SCAF4: variants seen among roughly 807,000 people sequenced by gnomAD.
SCAF4 encodes the protein SR-related CTD associated factor 4.
SCAF4 carries 25 observed loss-of-function variants against 129.8 expected under a neutral mutation model. That is an observed-to-expected ratio of 0.19 (90% CI 0.14 to 0.27). The LOEUF (loss-of-function observed/expected upper bound fraction) is 0.27, where lower values mean the gene tolerates loss of function less well. Among genes scored for constraint, SCAF4 ranks in the 10% least tolerant of loss-of-function variants. The pLI, the probability that SCAF4 is intolerant of heterozygous loss-of-function variation, is 1.00. For missense variants in SCAF4, 1,246 were observed against 1,457.1 expected, an observed-to-expected ratio of 0.86 and a Z score of 2.36; for synonymous variants, 551 against 497.7, an observed-to-expected ratio of 1.11 and a Z score of -1.43.
chr21:31,686,625 C>T (rs2050132820), intron 16 of SCAF4, among the ~76,000 whole-genome samples: 1 of 151,986 alleles, frequency 6.6e-6, no homozygotes, highest in Admixed American at 6.6e-5. Context: ...TTTTAACAAC[C>T]CCCCCAGCCA....
chr21:31,708,951 T>C (rs2050733357), intron 1 of SCAF4, among the ~76,000 whole-genome samples: 1 of 152,240 alleles, frequency 6.6e-6, no homozygotes, highest in African/African-American at 2.4e-5. Context: ...AGTCTGGAAC[T>C]TTCATGCAGG....
chr21:31,685,298 A>G, intron 18 of SCAF4, 58 bp from the exon 19 acceptor site: 1 of 1,502,628 alleles, frequency 6.7e-7, no homozygotes, highest in South Asian at 1.2e-5. Context: ...CTCCCGGTCA[A>G]CATTCTTATG....
intron 9 of SCAF4, among the ~76,000 whole-genome samples, chr21:31,695,532 G>T (rs1328750749): frequency 6.6e-6 from 1 of 152,048 alleles, no homozygotes; most frequent in Non-Finnish European, 1.5e-5. Context: ...TAAATATAAT[G>T]CTTTAAGTAT....
In SCAF4 at chr21:31,696,130, C is replaced by A; in HGVS notation, c.1051G>T (p.Asp351Tyr). 6.2e-7 allele frequency: 1 copy of A among 1,611,962 alleles called. No homozygotes were observed. Among genetic ancestry groups the A allele is most frequent in the South Asian group, 1.1e-5 (1 of 91,012 alleles). The part of the protein sequence containing the change: ...FQPRMMGIQQ[D>Y]PMHHQVPLPP... ...GCTTGTACCTGATGGTGCATTGGAT[C>A]CTGTTGTATTCCCATCATTCGTGGC... Residue 351 changes from aspartate to tyrosine, a missense_variant, in exon 9 of 20, where the codon GAT (aspartate) becomes TAT (tyrosine). Asp to Tyr is a radical substitution (Grantham distance 160). Transcript: ENST00000286835.
At position 31,696,629 on chromosome 21, in the gene SCAF4, G is replaced by A; in HGVS notation, c.899C>T (p.Ala300Val). 6.2e-7 allele frequency: 1 copy of A among 1,613,632 alleles called. No homozygotes were observed. Among genetic ancestry groups the A allele is most frequent in the Non-Finnish European group, 8.5e-7 (1 of 1,179,636 alleles). ...GGGTGCAGCAGCAGCAGGCACGGTG[G>A]CGGTGGGTGCAGGGGGTACTGCGGC... ...PAAAVPPAPTATVPAAAAPAA... is the reference protein window; with the variant it reads ...PAAAVPPAPTVTVPAAAAPAA... The change falls in exon 8 of 20, where the codon GCC (alanine) becomes GTC (valine). Residue 300 changes from alanine to valine, a missense_variant. This residue lies in a region of SCAF4 where 236 missense variants were observed against 210.0 expected (regional missense o/e 1.12). Coordinates refer to ENST00000286835, the MANE Select transcript of SCAF4 (RefSeq NM_020706.2).
rs1020165532 is a variant in SCAF4 at position 31,691,804 on chromosome 21, T to C, written c.1728+13A>G. ...TTTAAAAAAAAAATTAATTATAACA[T>C]GTAAGACTGTACCTTTATGGATTTC... is the stretch of plus-strand genomic sequence containing the variant. On this transcript the variant is annotated intron_variant, in intron 14 of 19. Transcript: ENST00000286835. 1 of 1,462,324 alleles carries C rather than the reference T, an allele frequency of 6.8e-7. No homozygotes were observed. The highest frequency in any genetic ancestry group is 9.4e-7 in the Non-Finnish European group (1 of 1,062,756). 90.6% of individuals were successfully genotyped at this position (1,462,324 alleles called of 1,614,324 possible).
chr21:31,674,658 G>C (rs1287759567), intron 19 of SCAF4, among the ~76,000 whole-genome samples: 2 of 152,170 alleles, frequency 1.3e-5, no homozygotes, highest in Admixed American at 6.5e-5. Flanking sequence ...TCCTTATTAG[G>C]AAAGCTGGCA....
At chr21:31,701,639 C>A (rs981955713) in intron 6 of SCAF4, 137 bp downstream of exon 6, 4 of 876,112 alleles carry the variant, frequency 4.6e-6, no homozygotes, top group Admixed American at 3.5e-5. Flanking sequence ...TACATTACTT[C>A]TCTTGTGAAG....
At chr21:31,694,180 G>GA (rs1568839076) in intron 11 of SCAF4, 24 bp downstream of exon 11, 2 of 1,433,586 alleles carry the variant, frequency 1.4e-6, no homozygotes, top group Non-Finnish European at 2.0e-6. Context: ...TACAGGGTTG[G>GA]AAAAAACATT....
chr21:31,709,036 C>T (rs906044725), intron 1 of SCAF4, among the ~76,000 whole-genome samples: 1 of 152,100 alleles, frequency 6.6e-6, no homozygotes, highest in African/African-American at 2.4e-5. Context: ...CTGTTTACTG[C>T]TAAAAATCAA....
intron 1 of SCAF4, among the ~76,000 whole-genome samples, chr21:31,727,318 T>C (rs991360067): frequency 5.3e-5 from 8 of 152,036 alleles, no homozygotes; most frequent in Admixed American, 1.3e-4. Context: ...GACCTCATGA[T>C]TCACCCGCCT....
chr21:31,699,125 A>G lies in SCAF4; in HGVS notation c.777+1870T>C, dbSNP rs561998787. Among the ~76,000 whole-genome samples, 239 of 152,328 alleles carry G rather than the reference A, an allele frequency of 1.6e-3. 2 individuals are homozygous for G. The highest frequency in any genetic ancestry group is 5.6e-3 in the African/African-American group (234 of 41,574). ...TATTATGATGCAGAAATAAACAAAT[A>G]TATTAGTGGGATAGAACAGTGTCCA... On this transcript the variant is annotated intron_variant, in intron 7 of 19. Coordinates refer to ENST00000286835, the MANE Select transcript of SCAF4 (RefSeq NM_020706.2).
chr21:31,711,682 G>A (rs1412301295), intron 1 of SCAF4, among the ~76,000 whole-genome samples: 1 of 152,066 alleles, frequency 6.6e-6, no homozygotes, highest in African/African-American at 2.4e-5. Context: ...TAGCCCAGAA[G>A]AATAGTGTAC....
chr21:31,730,845 G>A (rs71321400), intron 1 of SCAF4, among the ~76,000 whole-genome samples: 14,243 of 152,254 alleles, frequency 0.094, 868 homozygotes, highest in South Asian at 0.13. Context: ...GTTTGGAGAG[G>A]TTTTCACATG....
Position 31,671,587 on chromosome 21 carries a change from T to C in SCAF4, c.3256A>G (p.Arg1086Gly). Residue 1086 changes from arginine (R) to glycine (G), a missense_variant, in exon 20 of 20, where the codon AGG becomes GGG. By Grantham distance (125) the Arg-to-Gly change is moderately radical (BLOSUM62 -2). This residue lies in a region of SCAF4 where 339 missense variants were observed against 325.0 expected (regional missense o/e 1.04). Transcript: ENST00000286835. ...RGKEKPEVTDRAGGNKTVEPP... is the reference protein window; with the variant it reads ...RGKEKPEVTDGAGGNKTVEPP... The stretch of plus-strand genomic sequence containing the variant: ...TCAACGGTTTTGTTACCACCTGCCC[T>C]GTCTGTCACCTCAGGCTTTTCCTTT... 2 of 1,614,156 alleles carry C rather than the reference T, an allele frequency of 1.2e-6. No homozygotes were observed. The highest frequency in any genetic ancestry group is 1.7e-6 in the Non-Finnish European group (2 of 1,179,974).
In SCAF4 at chr21:31,685,735, TAGAA is replaced by T. The variant is rs753133252; in HGVS notation, c.2044-6_2044-3del. On this transcript the variant is annotated splice_polypyrimidine_tract_variant and splice_region_variant and intron_variant, in intron 16 of 19. Coordinates refer to ENST00000286835, the MANE Select transcript of SCAF4 (RefSeq NM_020706.2). The stretch of plus-strand genomic sequence containing the variant: ...TGGACCCGGTTGATGTGGTGGGACC[TAGAA>T]AGAAAGATAAAAGAATAAACCACCT... The T allele has an allele frequency of 3.2e-6, 5 of 1,571,246 alleles. No individual in the cohort carries two copies. Among genetic ancestry groups the T allele is most frequent in the East Asian group, 4.5e-5 (2 of 44,626 alleles).
At chr21:31,709,968 C>T (rs1381975537) in intron 1 of SCAF4, among the ~76,000 whole-genome samples, 1 of 151,742 alleles carries the variant, frequency 6.6e-6, no homozygotes, top group Non-Finnish European at 1.5e-5. Context: ...ATACCCATAC[C>T]TGATACAATG....
intron 7 of SCAF4, among the ~76,000 whole-genome samples, chr21:31,699,532 C>T (rs1407535851): frequency 2.0e-5 from 3 of 148,144 alleles, no homozygotes; most frequent in African/African-American, 7.4e-5. Flanking sequence ...GTATATATTT[C>T]CTTTTTACTC....
In SCAF4 at chr21:31,688,434, T is replaced by C. The variant is rs200237264; in HGVS notation, c.1916A>G (p.Asn639Ser). The C allele has an allele frequency of 6.8e-5, 110 of 1,613,970 alleles. No homozygotes were observed. The highest frequency in any genetic ancestry group is 9.1e-5 in the Non-Finnish European group (107 of 1,179,982). Residue 639 changes from asparagine (N) to serine (S), a missense_variant, in exon 16 of 20, where the codon AAT (asparagine) becomes AGT (serine). Asn to Ser is a conservative substitution (Grantham distance 46). Transcript: ENST00000286835. Reference sequence around the variant, plus strand: ...AGCACCTCCATTTTGAGCAACTTCATTTTCAGGCTTCTTAGGAATTCCTTT... The same window carrying C: ...AGCACCTCCATTTTGAGCAACTTCACTTTCAGGCTTCTTAGGAATTCCTTT... ...DWKGIPKKPENEVAQNGGAET... is the reference protein window; with the variant it reads ...DWKGIPKKPESEVAQNGGAET...
Sources: gnomAD v4.1 joint callset for allele counts (sites outside exome capture counted in the v4.1 genomes callset) on GRCh38, gnomAD v4.1.1 for gene constraint, gnomAD v4.1.1 regional missense constraint, MANE v1.5 for transcripts, NCBI Gene and HGNC (gene_info 2026-07-23, HGNC 2026-07-21) for gene names.